CSMD1: variants seen among roughly 807,000 people sequenced by gnomAD.
CSMD1 encodes CUB and Sushi multiple domains 1, also known as CUB and sushi domain-containing protein 1.
In CSMD1, 213 loss-of-function variants were observed where a neutral mutation model predicts 417.5. The observed-to-expected ratio is 0.51, with a 90% confidence interval of 0.46 to 0.57. The LOEUF is 0.57. CSMD1 is among the 20% of genes least tolerant of loss of function. The pLI, the probability that CSMD1 is intolerant of heterozygous loss-of-function variation, is 0.00. For missense variants in CSMD1, 6,923 were observed against 4,529.7 expected (o/e 1.53, Z -15.17); for synonymous variants, 2,862 against 1,736.8 (o/e 1.65, Z -16.11).
At chr8:3,566,320 C>T (rs981710893) in intron 10 of CSMD1, among the ~76,000 whole-genome samples, 4 of 152,098 alleles carry the variant, frequency 2.6e-5, no homozygotes, top group African/African-American at 9.7e-5. Context: ...ATTCTAGGTG[C>T]TTTAAATCGA....
At chr8:4,412,221 G>A (rs567233910) in intron 3 of CSMD1, among the ~76,000 whole-genome samples, 1 of 152,114 alleles carries the variant, frequency 6.6e-6, no homozygotes, top group Non-Finnish European at 1.5e-5. Context: ...CCCAGTATTG[G>A]AGGTAGGGCC....
intron 5 of CSMD1, among the ~76,000 whole-genome samples, chr8:3,973,456 T>C (rs1401601740): frequency 6.6e-6 from 1 of 152,218 alleles, no homozygotes; most frequent in Non-Finnish European, 1.5e-5. Flanking sequence ...GAAAATATGT[T>C]GCAATATTTC....
chr8:4,204,167 G>T (rs913746964), intron 3 of CSMD1, among the ~76,000 whole-genome samples: 3 of 151,990 alleles, frequency 2.0e-5, no homozygotes, highest in African/African-American at 7.3e-5. Flanking sequence ...TTCATTGACT[G>T]TGCCCATGTG....
intron 27 of CSMD1, among the ~76,000 whole-genome samples, chr8:3,224,825 A>G (rs758781326): frequency 2.6e-5 from 4 of 152,216 alleles, no homozygotes; most frequent in Non-Finnish European, 4.4e-5. Context: ...GGTTTCTCCT[A>G]AACCTCTCAT....
chr8:3,809,528 G>A (rs1474648340), intron 5 of CSMD1, among the ~76,000 whole-genome samples: 3 of 152,154 alleles, frequency 2.0e-5, no homozygotes, highest in Non-Finnish European at 1.5e-5. Flanking sequence ...AGAAATTAGT[G>A]GGTTCTCAAA....
intron 2 of CSMD1, among the ~76,000 whole-genome samples, chr8:4,508,842 T>C (rs1585181020): frequency 1.3e-5 from 2 of 152,330 alleles, no homozygotes; most frequent in African/African-American, 4.8e-5. Flanking sequence ...GTGGTTTTTT[T>C]TTGGAATGTA....
intron 50 of CSMD1, among the ~76,000 whole-genome samples, chr8:3,045,026 G>T (rs56853726): frequency 6.6e-6 from 1 of 151,984 alleles, no homozygotes; most frequent in Non-Finnish European, 1.5e-5. Flanking sequence ...ACAATCCCCC[G>T]AATAAAAATT....
At chr8:3,431,434 G>A (rs973796898) in intron 12 of CSMD1, among the ~76,000 whole-genome samples, 2 of 152,156 alleles carry the variant, frequency 1.3e-5, no homozygotes, top group Non-Finnish European at 2.9e-5. Flanking sequence ...TTTCCCGGAA[G>A]TCAGCATGTC....
At position 3,559,179 on chromosome 8, in the gene CSMD1, T is replaced by G. The variant is rs1007154416; in HGVS notation, c.1344+15766A>C. Among the ~76,000 whole-genome samples the G allele has an allele frequency of 2.0e-5, 3 of 152,212 alleles. 1 individual carries two copies. The highest frequency in any genetic ancestry group is 2.0e-4 in the Admixed American group (3 of 15,278). On this transcript the variant is annotated intron_variant, in intron 10 of 69. Coordinates refer to ENST00000635120, the MANE Select transcript of CSMD1 (RefSeq NM_033225.6). ...AACTTCCATGAGCTCTCTTTTAGCA[T>G]ATGGTATGTGTTTGGGCAATAAGTA...
chr8:3,738,582 C>G lies in CSMD1; in HGVS notation c.931+15348G>C, dbSNP rs528405265. ...TTTTCAGGGCTCTGTGCTCTTGTCA[C>G]GGGGATGGCAAACATCCTCAGGTGG... On this transcript the variant is annotated intron_variant, in intron 6 of 69. Transcript: ENST00000635120. Among the ~76,000 whole-genome samples, 223 of 152,256 alleles carry G rather than the reference C, an allele frequency of 1.5e-3. 1 individual carries two copies. The highest frequency in any genetic ancestry group is 4.6e-3 in the African/African-American group (193 of 41,556).
intron 25 of CSMD1, among the ~76,000 whole-genome samples, chr8:3,297,533 A>T (rs1224575153): frequency 6.6e-6 from 1 of 152,212 alleles, no homozygotes; most frequent in African/African-American, 2.4e-5. Context: ...TGTCTCGTTA[A>T]TTACTAATTT....
intron 3 of CSMD1, among the ~76,000 whole-genome samples, chr8:4,142,733 C>A (rs1043448361): frequency 6.6e-6 from 1 of 150,958 alleles, no homozygotes; most frequent in South Asian, 2.1e-4. Context: ...CCTGACACAA[C>A]GTGAGATTAC....
chr8:3,188,762 T>C, intron 35 of CSMD1, 125 bp downstream of exon 35: 1 of 558,774 alleles, frequency 1.8e-6, no homozygotes, highest in Non-Finnish European at 2.6e-6. Context: ...ATAACCAGTA[T>C]AAAAGGAAAA....
At chr8:3,769,018 G>T (rs754367471) in intron 5 of CSMD1, among the ~76,000 whole-genome samples, 1 of 152,252 alleles carries the variant, frequency 6.6e-6, no homozygotes, top group Admixed American at 6.5e-5. Context: ...CCTGGGGAGG[G>T]CGTTAGTTGC....
intron 25 of CSMD1, among the ~76,000 whole-genome samples, chr8:3,299,984 C>T (rs570465641): frequency 6.6e-6 from 1 of 152,042 alleles, no homozygotes; most frequent in Admixed American, 6.6e-5. Context: ...AGAAATTCAT[C>T]ATGAAAAGTG....
intron 3 of CSMD1, among the ~76,000 whole-genome samples, chr8:4,213,973 G>A (rs997254168): frequency 1.2e-4 from 19 of 152,152 alleles, no homozygotes; most frequent in African/African-American, 4.1e-4. Flanking sequence ...AACACATGGT[G>A]TCTTTCAAGG....
chr8:3,205,711 C>T (rs1797214470), intron 30 of CSMD1, 91 bp from the exon 31 acceptor site: 1 of 536,400 alleles, frequency 1.9e-6, no homozygotes, highest in South Asian at 2.8e-5. Flanking sequence ...AACACGTGAG[C>T]ACGTTTATTG....
At chr8:3,054,989 T>C (rs2128990898) in intron 49 of CSMD1, among the ~76,000 whole-genome samples, 2 of 152,302 alleles carry the variant, frequency 1.3e-5, no homozygotes, top group African/African-American at 4.8e-5. Flanking sequence ...CATCATTTTC[T>C]CTCAGATTTC....
intron 1 of CSMD1, among the ~76,000 whole-genome samples, chr8:4,652,759 G>T (rs967725603): frequency 1.3e-5 from 2 of 152,118 alleles, no homozygotes; most frequent in Non-Finnish European, 1.5e-5. Flanking sequence ...GCACCAGGGC[G>T]GTTTTGTGGA....
Sources: gnomAD v4.1 joint callset for allele counts (sites outside exome capture counted in the v4.1 genomes callset) on GRCh38, gnomAD v4.1.1 for gene constraint, MANE v1.5 for transcripts, NCBI Gene and HGNC (gene_info 2026-07-23, HGNC 2026-07-21) for gene names.